PCDHA4: variants seen among roughly 807,000 people sequenced by gnomAD.
The protein encoded by PCDHA4 is protocadherin alpha 4.
Under a neutral mutation model 61.4 loss-of-function variants are expected in PCDHA4, and 49 were observed. The observed-to-expected ratio is 0.80, with a 90% CI of 0.63 to 1.01. The LOEUF is 1.01. Among genes scored for constraint, PCDHA4 ranks in the 50% least tolerant of loss-of-function variants. The probability of loss-of-function intolerance (pLI) is 0.00; values close to 1 mark genes in which losing one functional copy is unlikely to be tolerated. For missense variants in PCDHA4, 1,254 were observed against 1,235.8 expected, an observed-to-expected ratio of 1.01 and a Z score of -0.22; for synonymous variants, 590 against 550.3, an observed-to-expected ratio of 1.07 and a Z score of -1.01.
chr5:140,883,443 A>G (rs2059611817), intron 1 of PCDHA4: 1 of 1,614,136 alleles, frequency 6.2e-7, no homozygotes. Flanking sequence ...TTGACGCCGC[A>G]TGTCCCCTTC....
intron 1 of PCDHA4, among the ~76,000 whole-genome samples, chr5:140,899,881 C>G (rs1334700648): frequency 6.6e-6 from 1 of 152,146 alleles, no homozygotes; most frequent in Non-Finnish European, 1.5e-5. Context: ...TAACAGAACT[C>G]AGTGCAGCCT....
At chr5:140,882,252 G>A in intron 1 of PCDHA4, 1 of 1,597,600 alleles carries the variant, frequency 6.3e-7, no homozygotes, top group Non-Finnish European at 8.5e-7. Context: ...ATAGCTCTGA[G>A]GTTTTTGGAG....
At position 140,809,297 on chromosome 5, in the gene PCDHA4, A is replaced by G; in HGVS notation, c.2110A>G (p.Ile704Val). The G allele has an allele frequency of 2.5e-6, 4 of 1,614,102 alleles. No individual in the cohort carries two copies. Among genetic ancestry groups the G allele is most frequent in the Middle Eastern group, 3.3e-4 (2 of 6,060 alleles). ...VDVNVYLIIA[I>V]CAVSSLLVLT... is the part of the protein sequence containing the mutation. ...TGTCAACGTATACCTGATCATTGCCATCTGCGCGGTGTCCAGCCTTTTGGT... is the reference window on the plus strand; with the variant it reads ...TGTCAACGTATACCTGATCATTGCCGTCTGCGCGGTGTCCAGCCTTTTGGT... Residue 704 changes from isoleucine (I) to valine (V), a missense_variant, in exon 1 of 4, where the codon ATC becomes GTC. Physicochemically the swap from Ile to Val is conservative, Grantham distance 29. Coordinates refer to ENST00000530339, the MANE Select transcript of PCDHA4 (RefSeq NM_018907.4).
intron 1 of PCDHA4, among the ~76,000 whole-genome samples, chr5:140,872,594 T>A (rs1554166277): frequency 1.3e-5 from 2 of 152,130 alleles, no homozygotes; most frequent in African/African-American, 2.4e-5. Context: ...GAGACCCCCA[T>A]CTGAAAAAAT....
intron 1 of PCDHA4, among the ~76,000 whole-genome samples, chr5:140,965,785 T>C (rs1315730975): frequency 1.3e-5 from 2 of 152,222 alleles, no homozygotes; most frequent in East Asian, 3.8e-4. Context: ...GCCTACAGCT[T>C]CATGGAGACT....
At chr5:140,880,509 T>G (rs754891409) in intron 1 of PCDHA4, among the ~76,000 whole-genome samples, 134 of 152,182 alleles carry the variant, frequency 8.8e-4, no homozygotes, top group Non-Finnish European at 1.6e-3. Flanking sequence ...TTCTGTTTGG[T>G]CACATCTCTC....
At chr5:140,843,038 A>T in intron 1 of PCDHA4, 1 of 1,595,166 alleles carries the variant, frequency 6.3e-7, no homozygotes, top group Non-Finnish European at 8.6e-7. Flanking sequence ...GGTGGGTGGC[A>T]CTGGTGGCGC....
intron 3 of PCDHA4, among the ~76,000 whole-genome samples, chr5:141,003,148 GA>G (rs1554258931): frequency 1.3e-5 from 2 of 152,188 alleles, no homozygotes; most frequent in African/African-American, 4.8e-5. Flanking sequence ...CAAAGACTCT[GA>G]CCTGATCAAT....
Position 140,842,608 on chromosome 5 carries a change from C to CG in PCDHA4, c.2385+33041dup, listed in dbSNP as rs1340734954. 5 of 1,557,100 alleles carry CG rather than the reference C, an allele frequency of 3.2e-6. 2 individuals carry two copies. In the African/African-American group the frequency reaches 7.2e-5, roughly 22 times the overall value. The stretch of plus-strand genomic sequence containing the variant: ...ATGAGTTGGTGGTAACCGCGCGGGA[C>CG]GGGGGCTCGCCTTCGCTGTGGGCCA... On this transcript the variant is annotated intron_variant, in intron 1 of 3. Coordinates refer to ENST00000530339, the MANE Select transcript of PCDHA4 (RefSeq NM_018907.4).
chr5:140,839,283 C>A (rs1309701563), intron 1 of PCDHA4, among the ~76,000 whole-genome samples: 1 of 151,960 alleles, frequency 6.6e-6, no homozygotes, highest in Non-Finnish European at 1.5e-5. Context: ...ACCTTCCTAG[C>A]ATATTATTAA....
intron 1 of PCDHA4, chr5:140,849,768 G>C (rs2150449044): frequency 6.3e-7 from 1 of 1,598,502 alleles, no homozygotes; most frequent in East Asian, 2.2e-5. Context: ...CGAGCTGGTG[G>C]TTACCGCGCG....
intron 1 of PCDHA4, among the ~76,000 whole-genome samples, chr5:140,838,064 G>T (rs1775403282): frequency 1.1e-5 from 1 of 88,812 alleles, no homozygotes; most frequent in African/African-American, 5.5e-5. Flanking sequence ...TCCACTTTAA[G>T]TTATATATAT....
At chr5:140,823,156 G>A (rs2150122926) in intron 1 of PCDHA4, 2 of 1,613,980 alleles carry the variant, frequency 1.2e-6, no homozygotes, top group South Asian at 1.1e-5. Context: ...CCAGTATACC[G>A]TGTTCGTGAA....
At chr5:140,821,919 G>A (rs190099815) in intron 1 of PCDHA4, 67 of 1,614,198 alleles carry the variant, frequency 4.2e-5, no homozygotes, top group Non-Finnish European at 5.1e-5. Flanking sequence ...GCCGCATCGC[G>A]CAGGACCTAG....
intron 3 of PCDHA4, among the ~76,000 whole-genome samples, chr5:140,993,449 CCTT>C (rs1214858534): frequency 1.4e-5 from 2 of 144,318 alleles, no homozygotes; most frequent in Non-Finnish European, 1.5e-5. Flanking sequence ...TTCCTGTTCT[CCTT>C]CTTTCTTTCT....
chr5:140,928,474 C>T, intron 1 of PCDHA4: 1 of 1,614,090 alleles, frequency 6.2e-7, no homozygotes, highest in Non-Finnish European at 8.5e-7. Flanking sequence ...AGTAGAAGGC[C>T]GGGATGGTGG....
intron 1 of PCDHA4, chr5:140,829,600 G>C (rs782636374): frequency 6.2e-7 from 1 of 1,612,044 alleles, no homozygotes; most frequent in Non-Finnish European, 8.5e-7. Flanking sequence ...GCGAGCGCGC[G>C]TTGTCGAGCT....
intron 1 of PCDHA4, chr5:140,841,601 G>T: frequency 6.2e-7 from 1 of 1,614,136 alleles, no homozygotes; most frequent in Non-Finnish European, 8.5e-7. Context: ...CGACCGCGAG[G>T]AGCTGTGCGG....
At chr5:140,911,283 A>G (rs906069835) in intron 1 of PCDHA4, among the ~76,000 whole-genome samples, 1 of 152,278 alleles carries the variant, frequency 6.6e-6, no homozygotes, top group Non-Finnish European at 1.5e-5. Context: ...CAGCTTCATC[A>G]GGGTCCTTTT....
Sources: gnomAD v4.1 joint callset for allele counts (sites outside exome capture counted in the v4.1 genomes callset) on GRCh38, gnomAD v4.1.1 for gene constraint, MANE v1.5 for transcripts, NCBI Gene and HGNC (gene_info 2026-07-23, HGNC 2026-07-21) for gene names.